The following CSNK1G3 variants were observed in gnomAD, a reference collection of about 807,000 sequenced individuals.
CSNK1G3 encodes the protein casein kinase 1 gamma 3, also known as casein kinase I isoform gamma-3.
Under a neutral mutation model 64.3 loss-of-function variants are expected in CSNK1G3, and 23 were observed. That is an observed-to-expected ratio of 0.36 (90% CI 0.26 to 0.51). CSNK1G3 has a LOEUF of 0.51. CSNK1G3 is among the 20% of genes least tolerant of loss of function. CSNK1G3 has a pLI of 0.96. For missense variants in CSNK1G3, 357 were observed against 510.5 expected, an observed-to-expected ratio of 0.70 and a Z score of 2.90; for synonymous variants, 158 against 162.2, an observed-to-expected ratio of 0.97 and a Z score of 0.20.
intron 3 of CSNK1G3, 128 bp from the exon 4 acceptor site, chr5:123,557,367 C>A: frequency 1.6e-6 from 1 of 640,578 alleles, no homozygotes; most frequent in Non-Finnish European, 2.7e-6. Context: ...TGAATCTAAT[C>A]TTAGACAAAG....
At chr5:123,539,817 TTTTAAAAATAGA>T (rs1313334391) in intron 1 of CSNK1G3, among the ~76,000 whole-genome samples, 1 of 152,188 alleles carries the variant, frequency 6.6e-6, no homozygotes, top group Non-Finnish European at 1.5e-5. Context: ...ATAGATTAAG[TTTTAAAAATAGA>T]TATGGAACTT....
chr5:123,571,679 G>A (rs1030129266), intron 4 of CSNK1G3, among the ~76,000 whole-genome samples: 2 of 151,516 alleles, frequency 1.3e-5, no homozygotes, highest in Non-Finnish European at 2.9e-5. Flanking sequence ...AAAATAATAG[G>A]GTAAATAATA....
At chr5:123,590,265 A>G (rs1792101066) in intron 8 of CSNK1G3, 145 bp from the exon 9 acceptor site, 1 of 377,546 alleles carries the variant, frequency 2.6e-6, no homozygotes, top group African/African-American at 2.1e-5. Context: ...TTTTGTTGTA[A>G]TTAAACTCAG....
At chr5:123,517,167 C>A (rs1288157589) in intron 1 of CSNK1G3, among the ~76,000 whole-genome samples, 1 of 152,142 alleles carries the variant, frequency 6.6e-6, no homozygotes, top group Non-Finnish European at 1.5e-5. Context: ...ATCTCTCATA[C>A]CTGACCTCTG....
intron 4 of CSNK1G3, among the ~76,000 whole-genome samples, chr5:123,561,161 G>C (rs776937431): frequency 2.0e-5 from 3 of 152,004 alleles, no homozygotes; most frequent in Non-Finnish European, 4.4e-5. Flanking sequence ...ATTTAGCTTT[G>C]CATAGGATTA....
At chr5:123,564,266 G>T (rs1028910409) in intron 4 of CSNK1G3, among the ~76,000 whole-genome samples, 4 of 151,924 alleles carry the variant, frequency 2.6e-5, no homozygotes, top group Non-Finnish European at 5.9e-5. Context: ...GGTTTATATG[G>T]TGCAGGCATT....
chr5:123,608,116 T>C (rs978890949), intron 12 of CSNK1G3, among the ~76,000 whole-genome samples: 1 of 152,136 alleles, frequency 6.6e-6, no homozygotes, highest in African/African-American at 2.4e-5. Flanking sequence ...TTGCATCTTA[T>C]ACTTCTCTTC....
chr5:123,552,855 T>C (rs1783952602), intron 2 of CSNK1G3: 1 of 249,140 alleles, frequency 4.0e-6, no homozygotes, highest in Non-Finnish European at 7.8e-6. Context: ...TCAGAATCTT[T>C]CCATTTTTAT....
chr5:123,540,208 T>C (rs916120581), intron 1 of CSNK1G3, among the ~76,000 whole-genome samples: 1 of 152,144 alleles, frequency 6.6e-6, no homozygotes, highest in African/African-American at 2.4e-5. Context: ...TCTAGTGAAG[T>C]TTTTCATTTC....
chr5:123,523,623 T>C (rs945664090), intron 1 of CSNK1G3, among the ~76,000 whole-genome samples: 64 of 152,334 alleles, frequency 4.2e-4, no homozygotes, highest in African/African-American at 1.5e-3. Flanking sequence ...GGACGTGTTA[T>C]GTGAACCAGT....
intron 12 of CSNK1G3, 25 bp from the exon 14 acceptor site, chr5:123,614,315 TAA>T (rs910980202): frequency 1.2e-6 from 2 of 1,601,912 alleles, no homozygotes; most frequent in South Asian, 2.3e-5. Flanking sequence ...GCTTTTAAAA[TAA>T]AAAGAGTGTT....
intron 12 of CSNK1G3, among the ~76,000 whole-genome samples, chr5:123,613,538 G>A (rs1748891833): frequency 6.6e-6 from 1 of 151,870 alleles, no homozygotes; most frequent in East Asian, 1.9e-4. Context: ...TAGAGAGAGA[G>A]AGATATTTAG....
chr5:123,530,300 A>G (rs1233447750), intron 1 of CSNK1G3, among the ~76,000 whole-genome samples: 2 of 152,190 alleles, frequency 1.3e-5, no homozygotes, highest in South Asian at 4.1e-4. Context: ...TAATTTAATT[A>G]GACTTCCAGT....
rs1282025192 is a variant in CSNK1G3 at position 123,546,447 on chromosome 5, A to G, written c.178+606A>G. Among the ~76,000 whole-genome samples, 3 of 152,228 alleles carry G rather than the reference A, an allele frequency of 2.0e-5. No homozygotes were observed. In the East Asian group the frequency reaches 5.8e-4, roughly 29 times the overall value. On this transcript the variant is annotated intron_variant, in intron 2 of 12. Coordinates refer to ENST00000345990, the Ensembl canonical transcript of CSNK1G3. The stretch of plus-strand genomic sequence containing the variant: ...GCTTCCTAACTCTATATTCAAGGCA[A>G]TTGGAACTCAGTGAGGGAAAATGAA...
intron 1 of CSNK1G3, among the ~76,000 whole-genome samples, chr5:123,523,756 C>T (rs1778545216): frequency 6.6e-6 from 1 of 152,170 alleles, no homozygotes; most frequent in Admixed American, 6.5e-5. Context: ...ACATCCACAG[C>T]ACTCTGAAAC....
At chr5:123,558,391 A>G (rs111799966) in intron 4 of CSNK1G3, among the ~76,000 whole-genome samples, 3,269 of 152,284 alleles carry the variant, frequency 0.021, 121 homozygotes, top group African/African-American at 0.075. Context: ...AGGTTCTCAC[A>G]GCACTTTTCT....
At chr5:123,594,917 G>C (rs1793138271) in intron 10 of CSNK1G3, 122 bp from the exon 11 acceptor site, 1 of 718,830 alleles carries the variant, frequency 1.4e-6, no homozygotes, top group African/African-American at 1.8e-5. Context: ...CCATGATTCA[G>C]AATAGTAAGG....
intron 1 of CSNK1G3, among the ~76,000 whole-genome samples, chr5:123,540,468 C>T (rs558920738): frequency 2.0e-5 from 3 of 152,002 alleles, no homozygotes; most frequent in African/African-American, 7.2e-5. Flanking sequence ...CTAATATAGG[C>T]ATTTAAAGCT....
intron 1 of CSNK1G3, among the ~76,000 whole-genome samples, chr5:123,512,872 G>C (rs145008688): frequency 0.012 from 1,794 of 152,142 alleles, 40 homozygotes; most frequent in African/African-American, 0.04. Context: ...GAGTGGTGCG[G>C]CGCGACTGGG....
Sources: allele counts gnomAD v4.1 joint callset (sites outside exome capture counted in the v4.1 genomes callset), GRCh38; gene constraint gnomAD v4.1.1; transcripts MANE v1.5; gene names NCBI Gene and HGNC (gene_info 2026-07-23, HGNC 2026-07-21).